TGFBRAP1: variants seen among roughly 807,000 people sequenced by gnomAD.
TGFBRAP1 encodes the protein transforming growth factor beta receptor associated protein 1.
Under a neutral mutation model 83.2 loss-of-function variants are expected in TGFBRAP1, and 20 were observed. That is an observed-to-expected ratio of 0.24 (90% CI 0.17 to 0.35). The LOEUF is 0.35. TGFBRAP1 is among the 10% of genes least tolerant of loss of function. The probability of loss-of-function intolerance (pLI) is 1.00; values close to 1 mark genes in which losing one functional copy is unlikely to be tolerated. For synonymous variants in TGFBRAP1, 415 were observed against 459.8 expected (o/e 0.90, Z 1.25); for missense variants, 950 against 1,099.4 (o/e 0.86, Z 1.92).
intron 1 of TGFBRAP1, among the ~76,000 whole-genome samples, chr2:105,321,530 A>G (rs934253657): frequency 5.3e-5 from 8 of 152,172 alleles, no homozygotes; most frequent in Non-Finnish European, 1.2e-4. Context: ...TAGAAAAAAA[A>G]ATGTTTCTCT....
intron 1 of TGFBRAP1, among the ~76,000 whole-genome samples, chr2:105,328,767 C>A (rs895594805): frequency 6.6e-6 from 1 of 152,226 alleles, no homozygotes; most frequent in Non-Finnish European, 1.5e-5. Context: ...GCGTGCAGTC[C>A]ACGTGCAGTA....
intron 4 of TGFBRAP1, among the ~76,000 whole-genome samples, chr2:105,286,952 A>G (rs1366080590): frequency 6.6e-6 from 1 of 152,228 alleles, no homozygotes; most frequent in Non-Finnish European, 1.5e-5. Context: ...AGCTTCTCTC[A>G]TGGCTCTTTA....
At chr2:105,284,909 C>T (rs140197031) in intron 4 of TGFBRAP1, among the ~76,000 whole-genome samples, 47 of 152,316 alleles carry the variant, frequency 3.1e-4, no homozygotes, top group South Asian at 8.3e-4. Flanking sequence ...CACCAACATC[C>T]GACACTCCTG....
intron 2 of TGFBRAP1, among the ~76,000 whole-genome samples, chr2:105,305,858 T>G (rs1052495065): frequency 2.0e-5 from 3 of 151,958 alleles, no homozygotes; most frequent in African/African-American, 4.8e-5. Context: ...GTTTCACCTT[T>G]TGGCCAGGCT....
chr2:105,292,301 C>T (rs1677941430), intron 4 of TGFBRAP1, among the ~76,000 whole-genome samples: 1 of 152,076 alleles, frequency 6.6e-6, no homozygotes, highest in Non-Finnish European at 1.5e-5. Context: ...AGAGATTATA[C>T]AAAAAAGACA....
chr2:105,329,193 G>A (rs1679300464), intron 1 of TGFBRAP1, among the ~76,000 whole-genome samples: 1 of 152,010 alleles, frequency 6.6e-6, no homozygotes, highest in African/African-American at 2.4e-5. Context: ...TTCCATACCA[G>A]GGATGGAGGT....
chr2:105,281,265 T>C (rs1018590687), intron 5 of TGFBRAP1, among the ~76,000 whole-genome samples: 1 of 152,184 alleles, frequency 6.6e-6, no homozygotes, highest in Non-Finnish European at 1.5e-5. Context: ...TCTCGTAGAA[T>C]TTCAGAGCCT....
At chr2:105,251,048 G>A in the TGFBRAP1 span, among the ~76,000 whole-genome samples, 23 of 152,358 alleles carry the variant, frequency 1.5e-4, no homozygotes, top group African/African-American at 5.5e-4. Context: ...CCAAAGTGCC[G>A]AGATTGCAGC....
At chr2:105,298,161 G>A (rs1171269704) in intron 3 of TGFBRAP1, among the ~76,000 whole-genome samples, 2 of 152,104 alleles carry the variant, frequency 1.3e-5, no homozygotes, top group Admixed American at 1.3e-4. Flanking sequence ...TCTACCAGAA[G>A]GTTCTTACAC....
rs1391308814 is a variant in TGFBRAP1 at position 105,264,634 on chromosome 2, C to G, written c.*2749G>C. ...GCATCCATTCAGAGCTGGGACCCCG[C>G]AGCCACCTGCCTGTGCTCCGGAAGT... On this transcript the variant is annotated 3_prime_UTR_variant, in exon 12 of 12. Coordinates refer to ENST00000393359, the MANE Select transcript of TGFBRAP1 (RefSeq NM_004257.6). 1 of 152,286 alleles carries G rather than the reference C, an allele frequency of 6.6e-6. No individual in the cohort carries two copies. Among genetic ancestry groups the G allele is most frequent in the Non-Finnish European group, 1.5e-5 (1 of 68,064 alleles). 9.4% of individuals were successfully genotyped at this position (152,286 alleles called of 1,614,324 possible).
Position 105,269,524 on chromosome 2 carries a change from C to T in TGFBRAP1, c.2154G>A (p.Thr718=), listed in dbSNP as rs764513373. The T allele has an allele frequency of 7.4e-6, 12 of 1,612,370 alleles. No homozygotes were observed. Among genetic ancestry groups the T allele is most frequent in the East Asian group, 6.7e-5 (3 of 44,810 alleles). ...CAGCATGCAGGTAGATGGCCAGCAG[C>T]GTGTGAAAGAGTTGCTGGCGGTGGG... ...DPPHRQQLFH[T]LLAIYLHAGP... The change falls in exon 11 of 12, where the codon ACG becomes ACA. Residue 718 remains threonine (T), a synonymous_variant. Coordinates refer to ENST00000393359, the MANE Select transcript of TGFBRAP1 (RefSeq NM_004257.6). The surrounding 1 kb of genome is among the most constrained non-coding windows in gnomAD (Gnocchi z 4.1).
Position 105,304,732 on chromosome 2 carries a change from G to A in TGFBRAP1, c.688+2882C>T, listed in dbSNP as rs185944272. Reference sequence around the variant, plus strand: ...CAGGAGGCGGAGGTTGCAGTGAGCCGAGATGGCACCACTGCACTCCAGCCT... The same window carrying A: ...CAGGAGGCGGAGGTTGCAGTGAGCCAAGATGGCACCACTGCACTCCAGCCT... On this transcript the variant is annotated intron_variant, in intron 2 of 11. Coordinates refer to ENST00000393359, the MANE Select transcript of TGFBRAP1 (RefSeq NM_004257.6). 3.6e-4 allele frequency among the ~76,000 whole-genome samples: 55 copies of A among 152,338 alleles called. 1 individual carries two copies. The East Asian group carries it at 6.0e-3, about 17-fold the overall frequency.
At chr2:105,327,851 G>A (rs1679267829) in intron 1 of TGFBRAP1, among the ~76,000 whole-genome samples, 1 of 152,116 alleles carries the variant, frequency 6.6e-6, no homozygotes, top group African/African-American at 2.4e-5. Flanking sequence ...GGCTAACAGT[G>A]GCACCTCACC....
chr2:105,308,276 A>C lies in TGFBRAP1; in HGVS notation c.26T>G (p.Leu9Arg), dbSNP rs1482707330. ...CAGCTCCCGCTCCACAGCAGAGACAAGCGTAAAGGCTTTGATGCTCATCAT... is the reference window on the plus strand; with the variant it reads ...CAGCTCCCGCTCCACAGCAGAGACACGCGTAAAGGCTTTGATGCTCATCAT... MMSIKAFT[L>R]VSAVERELLM... Residue 9 changes from leucine (L) to arginine (R), a missense_variant, in exon 2 of 12, where the codon CTT (leucine) becomes CGT (arginine). By Grantham distance (102) the Leu-to-Arg change is moderately radical. Transcript: ENST00000393359. 1 of 1,613,478 alleles carries C rather than the reference A, an allele frequency of 6.2e-7. No homozygotes were observed.
chr2:105,320,725 A>C (rs1199509996), intron 1 of TGFBRAP1, among the ~76,000 whole-genome samples: 1 of 152,212 alleles, frequency 6.6e-6, no homozygotes, highest in East Asian at 1.9e-4. Flanking sequence ...CTTATTGTAT[A>C]AGCTACAATC....
the TGFBRAP1 span, among the ~76,000 whole-genome samples, chr2:105,251,000 G>C: frequency 2.0e-5 from 3 of 152,160 alleles, no homozygotes; most frequent in Admixed American, 6.5e-5. Flanking sequence ...ATCTCGGCTC[G>C]CTACAACATC....
At chr2:105,283,923 C>T (rs1002080780) in intron 5 of TGFBRAP1, among the ~76,000 whole-genome samples, 1 of 152,172 alleles carries the variant, frequency 6.6e-6, no homozygotes, top group Non-Finnish European at 1.5e-5. Context: ...TCTTTTCCCC[C>T]CTGCACTAAG....
the TGFBRAP1 span, among the ~76,000 whole-genome samples, chr2:105,257,039 T>A: frequency 6.6e-6 from 1 of 152,226 alleles, no homozygotes; most frequent in African/African-American, 2.4e-5. Context: ...TTGTTTAGCA[T>A]GTAATCAAGA....
chr2:105,321,972 GT>G (rs1679081055), intron 1 of TGFBRAP1, among the ~76,000 whole-genome samples: 2 of 152,292 alleles, frequency 1.3e-5, no homozygotes, highest in Non-Finnish European at 2.9e-5. Context: ...GAAAAAATAA[GT>G]TAATTGTAAA....
Sources: gnomAD v4.1 joint callset for allele counts (sites outside exome capture counted in the v4.1 genomes callset) on GRCh38, gnomAD v4.1.1 for gene constraint, Gnocchi (gnomAD v3.1) non-coding constraint, MANE v1.5 for transcripts, NCBI Gene and HGNC (gene_info 2026-07-23, HGNC 2026-07-21) for gene names.